The following CARD19 variants were observed in gnomAD, a reference collection of about 807,000 sequenced individuals.
The protein encoded by CARD19 is caspase recruitment domain family member 19.
CARD19 carries 25 observed loss-of-function variants against 24.1 expected under a neutral mutation model. The observed-to-expected ratio is 1.04, with a 90% CI of 0.76 to 1.45. The LOEUF is 1.45. Among genes scored for constraint, CARD19 ranks in the 40% most tolerant of loss-of-function variants. The pLI, the probability that CARD19 is intolerant of heterozygous loss-of-function variation, is 0.00. For missense variants in CARD19, 241 were observed against 247.4 expected, an observed-to-expected ratio of 0.97 and a Z score of 0.17; for synonymous variants, 103 against 104.9, an observed-to-expected ratio of 0.98 and a Z score of 0.11.
Position 93,098,116 on chromosome 9 carries a change from A to C in CARD19, c.7+1764A>C, listed in dbSNP as rs574360649. ...GCGTGGGGCAGGTGCTTGACAAGTT[A>C]CCCCCTGGGCTGTGCCGGGGAGTGA... On this transcript the variant is annotated intron_variant, in intron 1 of 5. Coordinates refer to ENST00000375464, the MANE Select transcript of CARD19 (RefSeq NM_032310.5). Among the ~76,000 whole-genome samples the C allele has an allele frequency of 3.3e-5, 5 of 152,220 alleles. No homozygotes were observed. In the South Asian group the frequency reaches 8.3e-4, roughly 25 times the overall value.
intron 3 of CARD19, 146 bp from the exon 4 acceptor site, chr9:93,111,733 C>T: frequency 6.8e-7 from 1 of 1,475,276 alleles, no homozygotes; most frequent in Non-Finnish European, 9.0e-7. Context: ...GCATAGTTCC[C>T]TGAGGAGGGC....
intron 4 of CARD19, 132 bp from the exon 5 acceptor site, chr9:93,112,085 TA>T (rs1307472311): frequency 7.7e-6 from 10 of 1,300,566 alleles, no homozygotes; most frequent in Non-Finnish European, 1.1e-5. Context: ...ACCCCCCCCC[TA>T]AGGTGCTCGT....
intron 2 of CARD19, among the ~76,000 whole-genome samples, chr9:93,108,377 G>A (rs1166667435): frequency 6.6e-6 from 1 of 152,186 alleles, no homozygotes; most frequent in Non-Finnish European, 1.5e-5. Context: ...CAGGTAGGCA[G>A]CTGAGCTTCT....
intron 1 of CARD19, among the ~76,000 whole-genome samples, chr9:93,100,000 G>A (rs1160181133): frequency 5.3e-5 from 8 of 152,208 alleles, no homozygotes; most frequent in African/African-American, 1.7e-4. Flanking sequence ...ATGCCAGCCC[G>A]CACCCCTACA....
intron 3 of CARD19, chr9:93,111,029 T>C: frequency 7.0e-7 from 1 of 1,431,672 alleles, no homozygotes; most frequent in Non-Finnish European, 9.3e-7. Flanking sequence ...CTTCCTTTTC[T>C]AACCTCATTC....
intron 1 of CARD19, among the ~76,000 whole-genome samples, chr9:93,104,245 G>C (rs1827174868): frequency 6.6e-6 from 1 of 152,168 alleles, no homozygotes; most frequent in South Asian, 2.1e-4. Flanking sequence ...TATTCATAAA[G>C]AGTATTGGTC....
chr9:93,111,907 G>C lies in CARD19; in HGVS notation c.333G>C (p.Ser111=), dbSNP rs776281182. 6.2e-7 allele frequency: 1 copy of C among 1,611,812 alleles called. No individual in the cohort carries two copies. Among genetic ancestry groups the C allele is most frequent in the South Asian group, 1.1e-5 (1 of 90,912 alleles). The change falls in exon 4 of 6, where the codon TCG becomes TCC. Residue 111 remains serine (S), a synonymous_variant. Coordinates refer to ENST00000375464, the MANE Select transcript of CARD19 (RefSeq NM_032310.5). ...LQNSDCTELD[S]GSQSGELSNR... ...ACTCAGATTGCACAGAGCTAGACTC[G>C]GGCAGCCAGAGCGGCGAGCTGAGTA...
In CARD19 at chr9:93,113,011, G is replaced by A; in HGVS notation, c.456G>A (p.Gly152=). 6.2e-7 allele frequency: 1 copy of A among 1,609,330 alleles called. No individual in the cohort carries two copies. The highest frequency in any genetic ancestry group is 8.5e-7 in the Non-Finnish European group (1 of 1,177,620). The stretch of plus-strand genomic sequence containing the variant: ...TTCTAGACCCCAAGGGCCTGCCAGG[G>A]ACCCGGCGCGTCCTCGGTTTCTCGC... ...CYPPDPKGLP[G]TRRVLGFSPV... is the part of the protein sequence containing the mutation. Residue 152 remains glycine (G), a synonymous_variant, in exon 6 of 6, where the codon GGG becomes GGA. Coordinates refer to ENST00000375464, the MANE Select transcript of CARD19 (RefSeq NM_032310.5).
At chr9:93,101,521 C>T (rs575589334) in intron 1 of CARD19, among the ~76,000 whole-genome samples, 1 of 151,590 alleles carries the variant, frequency 6.6e-6, no homozygotes, top group South Asian at 2.1e-4. Flanking sequence ...CTCACTGCAA[C>T]CTCTACCGTC....
At chr9:93,099,840 C>T (rs1234453843) in intron 1 of CARD19, among the ~76,000 whole-genome samples, 3 of 152,238 alleles carry the variant, frequency 2.0e-5, no homozygotes, top group African/African-American at 2.4e-5. Flanking sequence ...GCGCGGCCCA[C>T]GGTGAGTGGC....
At chr9:93,103,143 AG>A (rs1368276311) in intron 1 of CARD19, among the ~76,000 whole-genome samples, 10 of 152,270 alleles carry the variant, frequency 6.6e-5, no homozygotes, top group African/African-American at 2.4e-4. Flanking sequence ...TAATTGCTCT[AG>A]TTAGGACTGC....
intron 3 of CARD19, chr9:93,111,528 G>C: frequency 8.5e-7 from 1 of 1,172,676 alleles, no homozygotes; most frequent in Non-Finnish European, 1.1e-6. Flanking sequence ...GACGGTGGGC[G>C]GGGAGAGCTC....
Position 93,113,162 on chromosome 9 carries a change from G to A in CARD19, c.*55G>A. On this transcript the variant is annotated 3_prime_UTR_variant, in exon 6 of 6. Coordinates refer to ENST00000375464, the MANE Select transcript of CARD19 (RefSeq NM_032310.5). The stretch of plus-strand genomic sequence containing the variant: ...ACTCAACCAAAGAGTCCTCGAGCCG[G>A]CCCGCCAAGGGGACTGCTGCTTCTT... The A allele has an allele frequency of 2.6e-6, 3 of 1,154,888 alleles. No individual in the cohort carries two copies. Among genetic ancestry groups the A allele is most frequent in the South Asian group, 1.5e-5 (1 of 68,524 alleles). The allele number at this position is 1,154,888 out of a possible 1,614,324, so 71.5% of individuals were successfully genotyped here.
Position 93,113,118 on chromosome 9 carries a change from AC to A in CARD19, c.*14del. 6.5e-7 allele frequency: 1 copy of A among 1,527,472 alleles called. No individual in the cohort carries two copies. The highest frequency in any genetic ancestry group is 8.8e-7 in the Non-Finnish European group (1 of 1,130,384). 94.6% of individuals were successfully genotyped at this position (1,527,472 alleles called of 1,614,324 possible). A position where few individuals can be genotyped will look rare whatever the true frequency, so the allele number is the denominator to read the frequency against. On this transcript the variant is annotated 3_prime_UTR_variant, in exon 6 of 6. Coordinates refer to ENST00000375464, the MANE Select transcript of CARD19 (RefSeq NM_032310.5). ...CTAGGGGGGCTCTGACAGACCCTGG[AC>A]CCAGGGCCTCACCTGCCACTCAACC...
At position 93,096,238 on chromosome 9, in the gene CARD19, G is replaced by T. The variant is rs2119047974; in HGVS notation, c.-108G>T. 1.7e-6 allele frequency: 2 copies of T among 1,153,948 alleles called. No homozygotes were observed. Among genetic ancestry groups the T allele is most frequent in the South Asian group, 4.4e-5 (1 of 22,968 alleles). The allele number at this position is 1,153,948 out of a possible 1,614,324, so 71.5% of individuals were successfully genotyped here. A position where few individuals can be genotyped will look rare whatever the true frequency, so the allele number is the denominator to read the frequency against. On this transcript the variant is annotated 5_prime_UTR_variant, in exon 1 of 6. Transcript: ENST00000375464. The surrounding 1 kb of genome is among the most constrained non-coding windows in gnomAD (Gnocchi z 5.4). ...TAGCCAAAAGGGGCGGGCGAGCACG[G>T]CCCGCGGGCGGCGTTCGCTGGAGCT...
At chr9:93,106,928 A>C (rs1827285124) in intron 1 of CARD19, among the ~76,000 whole-genome samples, 1 of 152,124 alleles carries the variant, frequency 6.6e-6, no homozygotes, top group South Asian at 2.1e-4. Flanking sequence ...GCTCAGCCTT[A>C]AACATCTGCC....
At chr9:93,110,185 G>A (rs1012528789) in intron 2 of CARD19, 7 of 177,630 alleles carry the variant, frequency 3.9e-5, no homozygotes, top group Admixed American at 1.6e-4. Context: ...TAATAGAGTC[G>A]GGGGTTTCAC....
At chr9:93,103,133 T>C (rs1457972151) in intron 1 of CARD19, among the ~76,000 whole-genome samples, 1 of 152,238 alleles carries the variant, frequency 6.6e-6, no homozygotes, top group African/African-American at 2.4e-5. Flanking sequence ...TTTTTTTGCC[T>C]AATTGCTCTA....
chr9:93,107,768 G>C lies in CARD19; in HGVS notation c.102G>C (p.Gln34His). Residue 34 changes from glutamine to histidine, a missense_variant, in exon 2 of 6, where the codon CAG becomes CAC. Coordinates refer to ENST00000375464, the MANE Select transcript of CARD19 (RefSeq NM_032310.5). ...AGCAGGTGGACAGGATCATCCTCCA[G>C]CTGAACCGTTACTACCCACAGATCC... The part of the protein sequence containing the change: ...SEQQVDRIIL[Q>H]LNRYYPQILT... 6.2e-7 allele frequency: 1 copy of C among 1,614,222 alleles called. No individual in the cohort carries two copies. Among genetic ancestry groups the C allele is most frequent in the Non-Finnish European group, 8.5e-7 (1 of 1,180,044 alleles).
Sources: gnomAD v4.1 joint callset for allele counts (sites outside exome capture counted in the v4.1 genomes callset) on GRCh38, gnomAD v4.1.1 for gene constraint, Gnocchi (gnomAD v3.1) non-coding constraint, MANE v1.5 for transcripts, NCBI Gene and HGNC (gene_info 2026-07-23, HGNC 2026-07-21) for gene names.